MXD3: variants seen among roughly 807,000 people sequenced by gnomAD.
MXD3 encodes the protein Max-associated protein 3.
MXD3 carries 20 observed loss-of-function variants against 27.5 expected under a neutral mutation model. The ratio of observed to expected loss-of-function variants is 0.73; its 90% CI spans 0.51 to 1.06. The LOEUF (loss-of-function observed/expected upper bound fraction) is 1.06. Ranked by LOEUF, MXD3 falls within the 50% of genes least tolerant of loss-of-function variation. The probability of loss-of-function intolerance (pLI) is 0.00; values close to 1 mark genes in which losing one functional copy is unlikely to be tolerated. For synonymous variants in MXD3, 150 were observed against 130.7 expected, an observed-to-expected ratio of 1.15 and a Z score of -1.01; for missense variants, 298 against 291.3, an observed-to-expected ratio of 1.02 and a Z score of -0.17.
Position 177,311,420 on chromosome 5 carries a change from C to T in MXD3, c.135G>A (p.Lys45=). 1 of 1,413,838 alleles carries T rather than the reference C, an allele frequency of 7.1e-7. No homozygotes were observed. Among genetic ancestry groups the T allele is most frequent in the Non-Finnish European group, 9.2e-7 (1 of 1,088,950 alleles). 87.6% of individuals were successfully genotyped at this position (1,413,838 alleles called of 1,614,324 possible). A position where few individuals can be genotyped will look rare whatever the true frequency, so the allele number is the denominator to read the frequency against. ...HRSPGPIHRR[K]KRPPQAPGAQ... Reference sequence around the variant, plus strand: ...CGCCAGGAGCCTGGGGGGGTCGCTTCTTCCTCCTGTGGATGGGGCCTGGAC... The same window carrying T: ...CGCCAGGAGCCTGGGGGGGTCGCTTTTTCCTCCTGTGGATGGGGCCTGGAC... Residue 45 remains lysine (K), a synonymous_variant, in exon 2 of 6, where the codon AAG becomes AAA. Coordinates refer to ENST00000439742, the MANE Select transcript of MXD3 (RefSeq NM_031300.4).
rs756452455 is a variant in MXD3 at position 177,307,857 on chromosome 5, C to T, written c.429G>A (p.Ala143=). The T allele has an allele frequency of 8.7e-6, 14 of 1,609,896 alleles. No homozygotes were observed. Among genetic ancestry groups the T allele is most frequent in the East Asian group, 2.2e-5 (1 of 44,790 alleles). ...CCGCCCGCAGCCGCTCCCGCTCGGC[C>T]GCCCCTGCCAGCCCCCGGAGCTGCT... The part of the protein sequence containing the change: ...QLEQLRGLAG[A]AERERLRADS... The change falls in exon 5 of 6, where the codon GCG becomes GCA. Residue 143 remains alanine (A), a synonymous_variant. Transcript: ENST00000439742.
downstream of MXD3, chr5:177,306,841 G>A: frequency 1.4e-6 from 1 of 728,864 alleles, no homozygotes; most frequent in Non-Finnish European, 2.2e-6. Context: ...TTAACTGGCG[G>A]TAAGTGCTAG....
chr5:177,312,006 C>T, upstream of MXD3: 4 of 1,277,372 alleles, frequency 3.1e-6, no homozygotes, highest in South Asian at 1.6e-5. Flanking sequence ...GAACCCGCCA[C>T]GGAGCCGCAG....
In MXD3 at chr5:177,307,541, G is replaced by A; in HGVS notation, c.*47C>T. On this transcript the variant is annotated 3_prime_UTR_variant, in exon 6 of 6. Coordinates refer to ENST00000439742, the MANE Select transcript of MXD3 (RefSeq NM_031300.4). ...TGGGGAGGGCTCCTGCCTGGCAAGTGGGCCTGGCACGAGTAGAGGGCAGAG... is the reference window on the plus strand; with the variant it reads ...TGGGGAGGGCTCCTGCCTGGCAAGTAGGCCTGGCACGAGTAGAGGGCAGAG... The A allele has an allele frequency of 6.3e-7, 1 of 1,597,506 alleles. No individual in the cohort carries two copies. The highest frequency in any genetic ancestry group is 8.5e-7 in the Non-Finnish European group (1 of 1,173,810).
At chr5:177,309,575 T>C (rs1261886322) in intron 4 of MXD3, among the ~76,000 whole-genome samples, 1 of 152,206 alleles carries the variant, frequency 6.6e-6, no homozygotes, top group East Asian at 1.9e-4. Flanking sequence ...GCAGCTGTGG[T>C]TTATTTACTA....
chr5:177,309,427 CCT>C (rs1370372801), intron 4 of MXD3, among the ~76,000 whole-genome samples: 1 of 152,180 alleles, frequency 6.6e-6, no homozygotes, highest in Non-Finnish European at 1.5e-5. Context: ...CCAGCCAGCC[CCT>C]GAGGGGCACA....
chr5:177,310,644 TG>T, intron 3 of MXD3, 23 bp downstream of exon 3: 3 of 1,614,170 alleles, frequency 1.9e-6, no homozygotes, highest in Non-Finnish European at 1.7e-6. Flanking sequence ...GGGCTGGCGC[TG>T]TCAGGGCAGG....
Position 177,310,902 on chromosome 5 carries a change from C to G in MXD3, c.177-205G>C, listed in dbSNP as rs1761018728. The G allele has an allele frequency of 4.7e-6, 3 of 633,358 alleles. No individual in the cohort carries two copies. In the Admixed American group the frequency reaches 8.5e-5, roughly 18 times the overall value. The allele number at this position is 633,358 out of a possible 1,614,324, so 39.2% of individuals were successfully genotyped here. ...CACGGAGCCAAATGCTTAACAGAAGCCTGCCCAGGTGGGTATGAGGGCCCT... is the reference window on the plus strand; with the variant it reads ...CACGGAGCCAAATGCTTAACAGAAGGCTGCCCAGGTGGGTATGAGGGCCCT... On this transcript the variant is annotated intron_variant, in intron 2 of 5. Coordinates refer to ENST00000439742, the MANE Select transcript of MXD3 (RefSeq NM_031300.4).
Position 177,307,943 on chromosome 5 carries a change from G to C in MXD3, c.343C>G (p.Arg115Gly). The C allele has an allele frequency of 6.4e-7, 1 of 1,571,160 alleles. No homozygotes were observed. ...AGCCTCTCCTTGAGCTGTCGGGCCCGCTGCTCCTGATCCTCCAGCTTCTGC... is the reference window on the plus strand; with the variant it reads ...AGCCTCTCCTTGAGCTGTCGGGCCCCCTGCTCCTGATCCTCCAGCTTCTGC... ...HIQKLEDQEQ[R>G]ARQLKERLRS... is the part of the protein sequence containing the mutation. The change falls in exon 5 of 6, where the codon CGG becomes GGG. Residue 115 changes from arginine to glycine, a missense_variant. Coordinates refer to ENST00000439742, the MANE Select transcript of MXD3 (RefSeq NM_031300.4).
Position 177,307,278 on chromosome 5 carries a change from G to A in MXD3, c.*310C>T. On this transcript the variant is annotated 3_prime_UTR_variant, in exon 6 of 6. Coordinates refer to ENST00000439742, the MANE Select transcript of MXD3 (RefSeq NM_031300.4). ...AGGCAAAGGCAGGGGGCCTTGTCCA[G>A]GAAGGGAAGAGGCCCAAGAGGCTTC... 3 of 1,551,438 alleles carry A rather than the reference G, an allele frequency of 1.9e-6. No individual in the cohort carries two copies. Among genetic ancestry groups the A allele is most frequent in the Non-Finnish European group, 2.6e-6 (3 of 1,146,836 alleles).
At chr5:177,306,401 G>A, downstream of MXD3, 1 of 1,613,752 alleles carries the variant, frequency 6.2e-7, no homozygotes, top group Non-Finnish European at 8.5e-7. Context: ...TCTAAAGGCA[G>A]CCACCTGCCG....
chr5:177,306,294 G>C, downstream of MXD3: 2 of 1,562,714 alleles, frequency 1.3e-6, no homozygotes, highest in Non-Finnish European at 1.8e-6. Context: ...CTGTACTGGG[G>C]GTGGGAGGAG....
chr5:177,308,419 C>T (rs931951946), intron 4 of MXD3, among the ~76,000 whole-genome samples: 1 of 151,856 alleles, frequency 6.6e-6, no homozygotes, highest in Non-Finnish European at 1.5e-5. Context: ...GTCGCCCAGG[C>T]TGGAGTGCAG....
At chr5:177,311,565 G>A (rs1336656293) in intron 1 of MXD3, 81 bp from the exon 2 acceptor site, 77 of 1,269,026 alleles carry the variant, frequency 6.1e-5, no homozygotes, top group Non-Finnish European at 7.7e-5. Flanking sequence ...CACGGTCAAG[G>A]AAAGGCTTTT....
chr5:177,305,900 G>A, downstream of MXD3: 1 of 1,614,040 alleles, frequency 6.2e-7, no homozygotes, highest in East Asian at 2.2e-5. Flanking sequence ...TTTACTGTGT[G>A]AACTCTGACA....
chr5:177,311,098 T>G, intron 2 of MXD3: 1 of 533,708 alleles, frequency 1.9e-6, no homozygotes, highest in Non-Finnish European at 3.3e-6. Flanking sequence ...GCGGGGGAGG[T>G]GAGTGGCCTG....
At chr5:177,312,178 G>C, upstream of MXD3, 3 of 1,027,828 alleles carry the variant, frequency 2.9e-6, no homozygotes, top group Non-Finnish European at 3.5e-6. Context: ...TGGCGTCTTT[G>C]ATCTCAGCTT....
downstream of MXD3, chr5:177,306,400 A>G: frequency 6.2e-7 from 1 of 1,613,832 alleles, no homozygotes; most frequent in East Asian, 2.2e-5. Context: ...TTCTAAAGGC[A>G]GCCACCTGCC....
chr5:177,306,292 G>A, downstream of MXD3: 3 of 1,562,638 alleles, frequency 1.9e-6, no homozygotes, highest in South Asian at 3.4e-5. Flanking sequence ...GTCTGTACTG[G>A]GGGTGGGAGG....
Sources: allele counts gnomAD v4.1 joint callset (sites outside exome capture counted in the v4.1 genomes callset), GRCh38; gene constraint gnomAD v4.1.1; transcripts MANE v1.5; gene names NCBI Gene and HGNC (gene_info 2026-07-23, HGNC 2026-07-21).